Variants in ZBTB16 observed in about 807,000 individuals in gnomAD.
ZBTB16 encodes the protein zinc finger and BTB domain-containing protein 16.
A neutral mutation model predicts 56.8 loss-of-function variants in ZBTB16; 8 were observed. The ratio of observed to expected loss-of-function variants is 0.14; its 90% CI spans 0.08 to 0.25. The LOEUF is 0.25. Among genes scored for constraint, ZBTB16 ranks in the 10% least tolerant of loss-of-function variants. The pLI, the probability that ZBTB16 is intolerant of heterozygous loss-of-function variation, is 1.00. For missense variants in ZBTB16, 625 were observed against 903.0 expected (o/e 0.69, Z 3.95); for synonymous variants, 363 against 368.5 (o/e 0.98, Z 0.17).
rs550717273 is a variant in ZBTB16 at position 114,063,983 on chromosome 11, C to T, written c.683C>T (p.Thr228Ile). The change falls in exon 2 of 7, where the codon ACT (threonine) becomes ATT (isoleucine). Residue 228 changes from threonine to isoleucine, a missense_variant. Thr to Ile is a moderately conservative substitution (Grantham distance 89). This residue lies in a region of ZBTB16 where 384 missense variants were observed against 393.5 expected (regional missense o/e 0.98). Coordinates refer to ENST00000335953, the MANE Select transcript of ZBTB16 (RefSeq NM_006006.6). This position sits in a 1 kb window ranked among gnomAD's most constrained non-coding sequence, Gnocchi z 6.5. ...CCACCTGCAGGGCCCGAGGAGCCAACTCTGGCTGGGGGTGGGCGGCACCCT... is the reference window on the plus strand; with the variant it reads ...CCACCTGCAGGGCCCGAGGAGCCAATTCTGGCTGGGGGTGGGCGGCACCCT... Reference protein sequence around the residue: ...LQPPAGPEEPTLAGGGRHPGV... With the variant: ...LQPPAGPEEPILAGGGRHPGV... 28 of 1,613,554 alleles carry T rather than the reference C, an allele frequency of 1.7e-5. No homozygotes were observed. In the South Asian group the frequency reaches 3.0e-4, roughly 17 times the overall value.
intron 3 of ZBTB16, among the ~76,000 whole-genome samples, chr11:114,182,171 C>G (rs1322519082): frequency 1.3e-5 from 2 of 152,184 alleles, no homozygotes; most frequent in Non-Finnish European, 2.9e-5. Context: ...CCTGCCTCAG[C>G]TTCCTGAGTA....
intron 2 of ZBTB16, among the ~76,000 whole-genome samples, chr11:114,144,784 T>C (rs577681816): frequency 4.9e-4 from 74 of 152,372 alleles, no homozygotes; most frequent in African/African-American, 1.8e-3. Context: ...TCAAATCATG[T>C]TTCCCTCACT....
intron 2 of ZBTB16, among the ~76,000 whole-genome samples, chr11:114,082,288 C>CA (rs1555128921): frequency 1.6e-4 from 24 of 151,630 alleles, no homozygotes; most frequent in African/African-American, 5.1e-4. Flanking sequence ...TCTATTTCAA[C>CA]ACAACAACAA....
rs1217930369 is a variant in ZBTB16 at position 114,250,131 on chromosome 11, C to T, written c.1793-195C>T. Among the ~76,000 whole-genome samples, 1 of 152,190 alleles carries T rather than the reference C, an allele frequency of 6.6e-6. No homozygotes were observed. The highest frequency in any genetic ancestry group is 1.5e-5 in the Non-Finnish European group (1 of 68,036). Reference sequence around the variant, plus strand: ...AATTAGAAAACTGTAGAGCTGCAGTCGCACCAGCCTCATTCATAGCCATGT... The same window carrying T: ...AATTAGAAAACTGTAGAGCTGCAGTTGCACCAGCCTCATTCATAGCCATGT... On this transcript the variant is annotated intron_variant, in intron 6 of 6. Transcript: ENST00000335953. The surrounding 1 kb of genome is among the most constrained non-coding windows in gnomAD (Gnocchi z 6.0).
chr11:114,180,845 C>A (rs1385598580), intron 3 of ZBTB16: 1 of 152,284 alleles, frequency 6.6e-6, no homozygotes, highest in African/African-American at 2.4e-5. Context: ...CCTGCTCTCA[C>A]AGAGCTTACA....
chr11:114,180,404 G>A (rs546752), intron 3 of ZBTB16, among the ~76,000 whole-genome samples: 27,577 of 152,192 alleles, frequency 0.18, 2,913 homozygotes, highest in African/African-American at 0.3. Context: ...CTGCCTGGGG[G>A]GCAGGAGGCT....
chr11:114,235,226 A>G (rs937204270), intron 4 of ZBTB16, among the ~76,000 whole-genome samples: 1 of 152,166 alleles, frequency 6.6e-6, no homozygotes, highest in Non-Finnish European at 1.5e-5. Context: ...GTACATGTGC[A>G]TGCACGAGCA....
At position 114,143,420 on chromosome 11, in the gene ZBTB16, G is replaced by A. The variant is rs554247193; in HGVS notation, c.1269-12917G>A. ...AACACACTTAAAAGACAGAGGCTGG[G>A]GGGGAAAGGGGGTCAGCTTTGAGAG... On this transcript the variant is annotated intron_variant, in intron 2 of 6. Coordinates refer to ENST00000335953, the MANE Select transcript of ZBTB16 (RefSeq NM_006006.6). This position sits in a 1 kb window ranked among gnomAD's most constrained non-coding sequence, Gnocchi z 6.4. Among the ~76,000 whole-genome samples, 4 of 152,278 alleles carry A rather than the reference G, an allele frequency of 2.6e-5. No individual in the cohort carries two copies. The highest frequency in any genetic ancestry group is 1.9e-4 in the East Asian group (1 of 5,176).
intron 4 of ZBTB16, among the ~76,000 whole-genome samples, chr11:114,207,951 G>T (rs991783000): frequency 6.6e-6 from 1 of 152,186 alleles, no homozygotes; most frequent in African/African-American, 2.4e-5. Flanking sequence ...GTTTCACTCT[G>T]TTGGCCCGGC....
At chr11:114,120,399 C>T (rs1321472266) in intron 2 of ZBTB16, among the ~76,000 whole-genome samples, 1 of 152,150 alleles carries the variant, frequency 6.6e-6, no homozygotes, top group Admixed American at 6.5e-5. Flanking sequence ...TCCCCTGGCT[C>T]CCCCTGGCTT....
rs79315858 is a variant in ZBTB16, at chr11:114,141,411, C to T, written c.1269-14926C>T. Among the ~76,000 whole-genome samples, 40 of 152,348 alleles carry T rather than the reference C, an allele frequency of 2.6e-4. No homozygotes were observed. In the East Asian group the frequency reaches 6.9e-3, roughly 26 times the overall value. ...TATTGGCACATCACCACATCCTCCT[C>T]TGTCTCTTTCTCCATCTCTGTCTTG... On this transcript the variant is annotated intron_variant, in intron 2 of 6. Transcript: ENST00000335953.
intron 2 of ZBTB16, among the ~76,000 whole-genome samples, chr11:114,130,259 C>A (rs1941625058): frequency 6.6e-6 from 1 of 152,168 alleles, no homozygotes; most frequent in South Asian, 2.1e-4. Flanking sequence ...GGGAATGTAT[C>A]CCTCTGGACT....
chr11:114,192,734 A>T (rs1389467119), intron 4 of ZBTB16, among the ~76,000 whole-genome samples: 1 of 152,134 alleles, frequency 6.6e-6, no homozygotes, highest in Non-Finnish European at 1.5e-5. Context: ...GTTGTCATGA[A>T]AGCAAGGGGA....
intron 2 of ZBTB16, among the ~76,000 whole-genome samples, chr11:114,111,243 A>G (rs1475420115): frequency 6.6e-6 from 1 of 151,910 alleles, no homozygotes; most frequent in Non-Finnish European, 1.5e-5. Flanking sequence ...GTTTTAAGTT[A>G]AGTTGAGTGA....
chr11:114,091,855 A>G (rs1221028017), intron 2 of ZBTB16, among the ~76,000 whole-genome samples: 2 of 152,080 alleles, frequency 1.3e-5, no homozygotes, highest in Non-Finnish European at 2.9e-5. Flanking sequence ...CCGGTCAAGC[A>G]GTGGTATTCT....
intron 2 of ZBTB16, among the ~76,000 whole-genome samples, chr11:114,154,169 G>C (rs1239780004): frequency 6.6e-6 from 1 of 152,218 alleles, no homozygotes; most frequent in African/African-American, 2.4e-5. Context: ...CCCCAGAGGG[G>C]AGTTTAGCCT....
chr11:114,194,888 A>G (rs144463837), intron 4 of ZBTB16, among the ~76,000 whole-genome samples: 17 of 152,350 alleles, frequency 1.1e-4, no homozygotes, highest in Middle Eastern at 3.4e-3. Context: ...CACGGACACT[A>G]TCTTGGCTCA....
intron 3 of ZBTB16, among the ~76,000 whole-genome samples, chr11:114,173,574 G>GC (rs1258804092): frequency 6.6e-6 from 1 of 152,158 alleles, no homozygotes; most frequent in Non-Finnish European, 1.5e-5. Flanking sequence ...TACGTACTCA[G>GC]CCCCAAGATA....
At chr11:114,077,299 C>G (rs1181658747) in intron 2 of ZBTB16, among the ~76,000 whole-genome samples, 1 of 152,142 alleles carries the variant, frequency 6.6e-6, no homozygotes, top group East Asian at 1.9e-4. Context: ...TGGAGCCACT[C>G]TCCTCTTGGT....
Sources: gnomAD v4.1 joint callset for allele counts (sites outside exome capture counted in the v4.1 genomes callset) on GRCh38, gnomAD v4.1.1 for gene constraint, gnomAD v4.1.1 regional missense constraint, Gnocchi (gnomAD v3.1) non-coding constraint, MANE v1.5 for transcripts, NCBI Gene and HGNC (gene_info 2026-07-23, HGNC 2026-07-21) for gene names.